The following PRKN variants were observed in gnomAD, a reference collection of about 807,000 sequenced individuals.
PRKN encodes the protein parkin RBR E3 ubiquitin protein ligase, also known as E3 ubiquitin-protein ligase parkin.
In PRKN, 56 loss-of-function variants were observed where a neutral mutation model predicts 59.5. That is an observed-to-expected ratio of 0.94 (90% CI 0.76 to 1.18). PRKN has a LOEUF of 1.18. PRKN is among the 50% of genes most tolerant of loss of function. The pLI, the probability that PRKN is intolerant of heterozygous loss-of-function variation, is 0.00. For missense variants in PRKN, 657 were observed against 596.4 expected (o/e 1.10, Z -1.06); for synonymous variants, 250 against 222.1 (o/e 1.13, Z -1.12).
At chr6:162,125,949 A>G (rs1781106549) in intron 4 of PRKN, among the ~76,000 whole-genome samples, 1 of 152,198 alleles carries the variant, frequency 6.6e-6, no homozygotes, top group African/African-American at 2.4e-5. Flanking sequence ...CGTCAGATCT[A>G]TTAGATATGG....
At chr6:162,646,133 A>G (rs1251762966) in intron 1 of PRKN, among the ~76,000 whole-genome samples, 2 of 151,916 alleles carry the variant, frequency 1.3e-5, no homozygotes, top group African/African-American at 4.8e-5. Flanking sequence ...CGGCCTCCCA[A>G]AGTGCTGGGA....
At chr6:162,417,140 T>A (rs1788670403) in intron 2 of PRKN, among the ~76,000 whole-genome samples, 1 of 152,062 alleles carries the variant, frequency 6.6e-6, no homozygotes, top group Admixed American at 6.5e-5. Flanking sequence ...TCCAAGGAGT[T>A]TTTATTTTTT....
At chr6:161,946,172 T>C (rs1366567056) in intron 6 of PRKN, among the ~76,000 whole-genome samples, 1 of 152,152 alleles carries the variant, frequency 6.6e-6, no homozygotes, top group Non-Finnish European at 1.5e-5. Context: ...ATATGCTTAG[T>C]ATTTCAATAA....
intron 1 of PRKN, among the ~76,000 whole-genome samples, chr6:162,534,027 A>G (rs1478205391): frequency 2.0e-5 from 3 of 152,058 alleles, no homozygotes; most frequent in African/African-American, 7.2e-5. Flanking sequence ...ATGTACATAA[A>G]ATATTTCACA....
At chr6:161,827,209 G>T (rs1233075881) in intron 6 of PRKN, among the ~76,000 whole-genome samples, 1 of 152,180 alleles carries the variant, frequency 6.6e-6, no homozygotes, top group Non-Finnish European at 1.5e-5. Context: ...GTGAGCACGA[G>T]CTATGGAAGG....
chr6:162,727,731 G>A lies in PRKN; in HGVS notation c.-63C>T, dbSNP rs752584426. The A allele has an allele frequency of 8.5e-6, 13 of 1,527,096 alleles. No individual in the cohort carries two copies. The highest frequency in any genetic ancestry group is 2.8e-5 in the African/African-American group (2 of 72,426). The allele number at this position is 1,527,096 out of a possible 1,614,324, so 94.6% of individuals were successfully genotyped here. On this transcript the variant is annotated 5_prime_UTR_variant, in exon 1 of 12. Transcript: ENST00000366898. The stretch of plus-strand genomic sequence containing the variant: ...GCCCATGCGCGCAGCGGCGCCAGCC[G>A]CGCCTCCCACCAGCGGCTCTCCTGG...
intron 7 of PRKN, among the ~76,000 whole-genome samples, chr6:161,761,600 C>T (rs62436116): frequency 0.021 from 3,220 of 152,310 alleles, 55 homozygotes; most frequent in Non-Finnish European, 0.028. Context: ...CAGCATCTGA[C>T]CAGCCCAATC....
intron 5 of PRKN, among the ~76,000 whole-genome samples, chr6:162,032,184 A>G (rs1436902186): frequency 6.6e-6 from 1 of 152,108 alleles, no homozygotes; most frequent in Non-Finnish European, 1.5e-5. Flanking sequence ...AAGCATATTC[A>G]TCTCCCCTTA....
chr6:162,113,954 C>A (rs1780554896), intron 4 of PRKN, among the ~76,000 whole-genome samples: 1 of 151,906 alleles, frequency 6.6e-6, no homozygotes, highest in Non-Finnish European at 1.5e-5. Context: ...TTTCCCAGCA[C>A]CATTTATTAA....
chr6:161,790,914 C>T lies in PRKN; in HGVS notation c.735-5006G>A, dbSNP rs542746752. ...ATTTTGATAATTTAGACATGAGTTACTAAGAACTGGACTATGATGTGCAAA... is the reference window on the plus strand; with the variant it reads ...ATTTTGATAATTTAGACATGAGTTATTAAGAACTGGACTATGATGTGCAAA... On this transcript the variant is annotated intron_variant, in intron 6 of 11. Coordinates refer to ENST00000366898, the MANE Select transcript of PRKN (RefSeq NM_004562.3). Among the ~76,000 whole-genome samples, 12 of 152,222 alleles carry T rather than the reference C, an allele frequency of 7.9e-5. No homozygotes were observed. In the East Asian group the frequency reaches 2.3e-3, roughly 29 times the overall value.
At chr6:161,687,008 A>G (rs1785582344) in intron 7 of PRKN, among the ~76,000 whole-genome samples, 1 of 152,216 alleles carries the variant, frequency 6.6e-6, no homozygotes. Context: ...TTTATAGAGA[A>G]TGAAAAAGTG....
At chr6:161,619,240 TAA>T (rs67512352) in intron 7 of PRKN, among the ~76,000 whole-genome samples, 17 of 99,514 alleles carry the variant, frequency 1.7e-4, no homozygotes, top group Non-Finnish European at 2.5e-4. Context: ...CTGTCTTCAT[TAA>T]AAAAAAAAAA....
chr6:161,913,480 T>C (rs111467135), intron 6 of PRKN, among the ~76,000 whole-genome samples: 1 of 152,120 alleles, frequency 6.6e-6, no homozygotes, highest in African/African-American at 2.4e-5. Context: ...TACTTGCCTA[T>C]TGGATTGGAA....
intron 6 of PRKN, among the ~76,000 whole-genome samples, chr6:161,948,144 CCTGA>C (rs756884391): frequency 6.6e-6 from 1 of 152,112 alleles, no homozygotes; most frequent in Non-Finnish European, 1.5e-5. Context: ...TGCCATCATG[CCTGA>C]CTAATTTCTG....
In PRKN at chr6:161,448,100, A is replaced by G. The variant is rs1789574754; in HGVS notation, c.1084-61223T>C. ...CTTAGAGTGAAGTCAACAGTAGCCA[A>G]TCAAATCTTACATCTGTGTGTTAGC... On this transcript the variant is annotated intron_variant, in intron 9 of 11. Transcript: ENST00000366898. This position sits in a 1 kb window ranked among gnomAD's most constrained non-coding sequence, Gnocchi z 5.1. Among the ~76,000 whole-genome samples, 1 of 152,210 alleles carries G rather than the reference A, an allele frequency of 6.6e-6. No homozygotes were observed. The highest frequency in any genetic ancestry group is 6.5e-5 in the Admixed American group (1 of 15,286).
At chr6:161,669,935 C>T (rs958062892) in intron 7 of PRKN, among the ~76,000 whole-genome samples, 19 of 152,208 alleles carry the variant, frequency 1.2e-4, no homozygotes, top group Non-Finnish European at 2.4e-4. Flanking sequence ...CAGCATGCTG[C>T]CCCTTTGCAG....
intron 7 of PRKN, among the ~76,000 whole-genome samples, chr6:161,589,633 G>A (rs1781643663): frequency 6.6e-6 from 1 of 151,772 alleles, no homozygotes; most frequent in African/African-American, 2.4e-5. Flanking sequence ...TAATTCCAAA[G>A]GATTTTGCTT....
At chr6:162,207,264 C>A (rs956069729) in intron 3 of PRKN, among the ~76,000 whole-genome samples, 3 of 151,966 alleles carry the variant, frequency 2.0e-5, no homozygotes, top group African/African-American at 7.3e-5. Flanking sequence ...CCCAGCTGCT[C>A]GGGAGGCTGA....
At chr6:162,349,701 C>T (rs1784546217) in intron 2 of PRKN, among the ~76,000 whole-genome samples, 1 of 152,064 alleles carries the variant, frequency 6.6e-6, no homozygotes, top group African/African-American at 2.4e-5. Flanking sequence ...AACTTCCTTG[C>T]CCTGATAAAG....
Sources: allele counts gnomAD v4.1 joint callset (sites outside exome capture counted in the v4.1 genomes callset), GRCh38; gene constraint gnomAD v4.1.1; non-coding constraint Gnocchi (gnomAD v3.1); transcripts MANE v1.5; gene names NCBI Gene and HGNC (gene_info 2026-07-23, HGNC 2026-07-21).